PTPRR: variants seen among roughly 807,000 people sequenced by gnomAD.
PTPRR encodes receptor-type tyrosine-protein phosphatase R.
PTPRR carries 38 observed loss-of-function variants against 77.2 expected under a neutral mutation model. The observed-to-expected ratio is 0.49, with a 90% CI of 0.38 to 0.65. The LOEUF (loss-of-function observed/expected upper bound fraction) is 0.65, where lower values mean the gene tolerates loss of function less well. PTPRR is among the 30% of genes least tolerant of loss of function. The probability of loss-of-function intolerance (pLI) is 0.00; values close to 1 mark genes in which losing one functional copy is unlikely to be tolerated. For missense variants in PTPRR, 744 were observed against 799.2 expected (o/e 0.93, Z 0.83); for synonymous variants, 299 against 283.1 (o/e 1.06, Z -0.57).
At chr12:70,896,169 T>C (rs1238044857) in intron 1 of PTPRR, among the ~76,000 whole-genome samples, 1 of 151,630 alleles carries the variant, frequency 6.6e-6, no homozygotes, top group Non-Finnish European at 1.5e-5. Flanking sequence ...TGATGCAATG[T>C]ACATAAGAAT....
At chr12:70,778,758 G>A (rs1449991310) in intron 2 of PTPRR, among the ~76,000 whole-genome samples, 2 of 152,096 alleles carry the variant, frequency 1.3e-5, no homozygotes, top group African/African-American at 4.8e-5. Context: ...GATTGTTGTA[G>A]ACAAGACATG....
intron 1 of PTPRR, among the ~76,000 whole-genome samples, chr12:70,893,434 G>T (rs749317312): frequency 1.3e-5 from 2 of 151,562 alleles, no homozygotes; most frequent in Non-Finnish European, 2.9e-5. Context: ...TTTTCTTCAC[G>T]CTTACAGAGT....
chr12:70,674,195 A>G (rs550474422), intron 10 of PTPRR, among the ~76,000 whole-genome samples: 1 of 152,222 alleles, frequency 6.6e-6, no homozygotes, highest in Admixed American at 6.5e-5. Context: ...TCAGCCTCCC[A>G]AAGTGCTGGG....
At chr12:70,639,487 C>T (rs1566035513) in intron 13 of PTPRR, 7 of 1,335,022 alleles carry the variant, frequency 5.2e-6, no homozygotes, top group East Asian at 3.0e-5. Context: ...ACACAGTTCC[C>T]AGCACACACT....
chr12:70,855,732 A>C (rs1415378566), intron 2 of PTPRR, among the ~76,000 whole-genome samples: 3 of 152,232 alleles, frequency 2.0e-5, no homozygotes, highest in Non-Finnish European at 4.4e-5. Flanking sequence ...AAAACTGTTC[A>C]GAAACTTTAG....
chr12:70,876,051 T>C lies in PTPRR; in HGVS notation c.357+16628A>G, dbSNP rs1893046897. Among the ~76,000 whole-genome samples the C allele has an allele frequency of 4.6e-5, 7 of 152,186 alleles. 1 individual carries two copies. In the South Asian group the frequency reaches 1.4e-3, roughly 32 times the overall value. On this transcript the variant is annotated intron_variant, in intron 2 of 13. Transcript: ENST00000283228. The stretch of plus-strand genomic sequence containing the variant: ...ACTATGAGTACATCAGGCACCTTTA[T>C]GCACATTGCTGGTGGGAAGATAAAT...
intron 5 of PTPRR, 78 bp downstream of exon 5, chr12:70,754,113 C>A: frequency 7.5e-7 from 1 of 1,338,404 alleles, no homozygotes; most frequent in Non-Finnish European, 1.0e-6. Context: ...TTTTAACATT[C>A]ATTTGAATGG....
In PTPRR at chr12:70,898,502, A is replaced by G. The variant is rs149127741; in HGVS notation, c.59-5525T>C. On this transcript the variant is annotated intron_variant, in intron 1 of 13. Coordinates refer to ENST00000283228, the MANE Select transcript of PTPRR (RefSeq NM_002849.4). ...TAATTATTTTTACATATTACATATT[A>G]CATATTCAATAAATATATATATTTT... 2.8e-3 allele frequency among the ~76,000 whole-genome samples: 410 copies of G among 147,866 alleles called. 3 individuals carry two copies. In the East Asian group the frequency reaches 0.04, roughly 14 times the overall value.
In PTPRR at chr12:70,684,326, A is replaced by C; in HGVS notation, c.1360-62T>G. ...AGTTCATGCCTTGCAGTGAAAGTGT[A>C]GGTGAAAGATCTTCAACGAAATAGC... On this transcript the variant is annotated intron_variant, in intron 9 of 13. Coordinates refer to ENST00000283228, the MANE Select transcript of PTPRR (RefSeq NM_002849.4). 1.2e-5 allele frequency: 18 copies of C among 1,554,400 alleles called. No homozygotes were observed. The South Asian group carries it at 2.0e-4, about 17-fold the overall frequency.
At chr12:70,824,667 C>T (rs1349738753) in intron 2 of PTPRR, among the ~76,000 whole-genome samples, 1 of 152,122 alleles carries the variant, frequency 6.6e-6, no homozygotes, top group African/African-American at 2.4e-5. Flanking sequence ...GTGGTGTCAG[C>T]TGCTGGTTCG....
At position 70,825,256 on chromosome 12, in the gene PTPRR, C is replaced by T. The variant is rs180708159; in HGVS notation, c.358-60478G>A. Among the ~76,000 whole-genome samples the T allele has an allele frequency of 2.3e-4, 35 of 151,378 alleles. 1 individual carries two copies. Among genetic ancestry groups the T allele is most frequent in the Non-Finnish European group, 4.1e-4 (28 of 67,854 alleles). ...TAGCGCCACTACACTCCAGCCTGGG[C>T]GACAGAGCAAGATTCTAGTCTCAAA... is the stretch of plus-strand genomic sequence containing the variant. On this transcript the variant is annotated intron_variant, in intron 2 of 13. Coordinates refer to ENST00000283228, the MANE Select transcript of PTPRR (RefSeq NM_002849.4).
At chr12:70,690,398 G>A (rs575090301) in intron 8 of PTPRR, among the ~76,000 whole-genome samples, 1 of 152,292 alleles carries the variant, frequency 6.6e-6, no homozygotes, top group Admixed American at 6.5e-5. Context: ...ATATTCAGAA[G>A]TCAAATTCAG....
intron 6 of PTPRR, among the ~76,000 whole-genome samples, chr12:70,712,743 T>C (rs1404627872): frequency 6.6e-6 from 1 of 151,942 alleles, no homozygotes; most frequent in Non-Finnish European, 1.5e-5. Context: ...AATAAAAATG[T>C]TCTAAATTAG....
At chr12:70,793,515 G>A (rs1891456650) in intron 2 of PTPRR, among the ~76,000 whole-genome samples, 1 of 152,156 alleles carries the variant, frequency 6.6e-6, no homozygotes, top group Non-Finnish European at 1.5e-5. Context: ...GGATGCTCGA[G>A]ACATTTTGTT....
chr12:70,644,605 T>C (rs1275669167), intron 13 of PTPRR, among the ~76,000 whole-genome samples: 1 of 152,232 alleles, frequency 6.6e-6, no homozygotes, highest in African/African-American at 2.4e-5. Flanking sequence ...AATGGGACTA[T>C]CACTTAACAT....
intron 2 of PTPRR, among the ~76,000 whole-genome samples, chr12:70,771,876 G>A (rs1890985518): frequency 6.6e-6 from 1 of 152,114 alleles, no homozygotes; most frequent in Non-Finnish European, 1.5e-5. Flanking sequence ...TCAAACTCTG[G>A]TAAAAATGCC....
chr12:70,672,833 T>C lies in PTPRR; in HGVS notation c.1498-10228A>G, dbSNP rs1388138228. 3 of 1,561,852 alleles carry C rather than the reference T, an allele frequency of 1.9e-6. No homozygotes were observed. The African/African-American group carries it at 4.1e-5, about 21-fold the overall frequency. On this transcript the variant is annotated intron_variant, in intron 10 of 13. Transcript: ENST00000283228. ...GAAGTCCAGTGTGAAATTGAAGAAC[T>C]AGGTGTCATCATCAGCAAGGTGGTG...
At chr12:70,888,034 G>C (rs917800831) in intron 2 of PTPRR, among the ~76,000 whole-genome samples, 1 of 152,000 alleles carries the variant, frequency 6.6e-6, no homozygotes, top group Non-Finnish European at 1.5e-5. Flanking sequence ...GTGTGTGGGT[G>C]TGTGTGTGTG....
chr12:70,914,358 G>A (rs889649089), intron 1 of PTPRR, among the ~76,000 whole-genome samples: 2 of 152,248 alleles, frequency 1.3e-5, no homozygotes, highest in Admixed American at 6.5e-5. Context: ...ATATGATCAG[G>A]TATGCTTTTA....
Sources: gnomAD v4.1 joint callset for allele counts (sites outside exome capture counted in the v4.1 genomes callset) on GRCh38, gnomAD v4.1.1 for gene constraint, MANE v1.5 for transcripts, NCBI Gene and HGNC (gene_info 2026-07-23, HGNC 2026-07-21) for gene names.